DACH2: variants seen among roughly 807,000 people sequenced by gnomAD.
DACH2 encodes the protein dachshund family transcription factor 2, also known as dachshund homolog 2.
DACH2 carries 17 observed loss-of-function variants against 35.8 expected under a neutral mutation model. The observed-to-expected ratio is 0.48, with a 90% confidence interval of 0.33 to 0.71. The LOEUF (loss-of-function observed/expected upper bound fraction) is 0.71. Ranked by LOEUF, DACH2 falls within the 30% of genes least tolerant of loss-of-function variation. The probability of loss-of-function intolerance (pLI) is 0.02; values close to 1 mark genes in which losing one functional copy is unlikely to be tolerated. For missense variants in DACH2, 469 were observed against 472.7 expected (o/e 0.99, Z 0.07); for synonymous variants, 195 against 177.3 (o/e 1.10, Z -0.79).
At chrX:86,368,388 A>G (rs1423112070) in intron 1 of DACH2, among the ~76,000 whole-genome samples, 1 of 111,161 alleles carries the variant, frequency 9.0e-6, no homozygotes, top group African/African-American at 3.3e-5. Context: ...CCTTTTGTAC[A>G]TAGTTGATGA....
intron 4 of DACH2, among the ~76,000 whole-genome samples, chrX:86,657,674 G>A (rs1057427668): frequency 2.7e-5 from 3 of 111,205 alleles, no homozygotes; most frequent in Non-Finnish European, 5.7e-5. Context: ...CACAAGGTTT[G>A]TGTAGCCAGA....
At chrX:86,496,896 G>A (rs980348550) in intron 2 of DACH2, among the ~76,000 whole-genome samples, 5 of 111,662 alleles carry the variant, frequency 4.5e-5, no homozygotes, top group Admixed American at 3.8e-4. Flanking sequence ...CAATGCCAAA[G>A]CAGGGAGCCC....
At chrX:86,705,288 C>T (rs774551017) in intron 5 of DACH2, among the ~76,000 whole-genome samples, 13 of 108,874 alleles carry the variant, frequency 1.2e-4, no homozygotes, top group African/African-American at 1.7e-4. Context: ...TTGGGGACTC[C>T]GGAAAATTTG....
intron 1 of DACH2, among the ~76,000 whole-genome samples, chrX:86,374,004 C>A (rs1432069100): frequency 9.0e-6 from 1 of 110,874 alleles, no homozygotes; most frequent in Non-Finnish European, 1.9e-5. Context: ...CTAAAAGGAC[C>A]TAAATACTTA....
intron 1 of DACH2, among the ~76,000 whole-genome samples, chrX:86,176,877 G>A (rs1419488330): frequency 8.9e-6 from 1 of 111,781 alleles, no homozygotes; most frequent in East Asian, 2.8e-4. Context: ...TTTCATACTG[G>A]CAATGTTATT....
At chrX:86,369,086 G>A (rs950633954) in intron 1 of DACH2, among the ~76,000 whole-genome samples, 1 of 110,245 alleles carries the variant, frequency 9.1e-6, no homozygotes, top group Non-Finnish European at 1.9e-5. Context: ...ATTCTATTAG[G>A]CAATGAAGAG....
chrX:86,809,248 A>T (rs1190724176), intron 7 of DACH2, among the ~76,000 whole-genome samples: 2 of 111,441 alleles, frequency 1.8e-5, no homozygotes, highest in African/African-American at 3.3e-5. Flanking sequence ...CTTTTTAAAT[A>T]AAAAAAATCA....
intron 2 of DACH2, among the ~76,000 whole-genome samples, chrX:86,511,168 C>T (rs2038391106): frequency 9.0e-6 from 1 of 111,602 alleles, no homozygotes; most frequent in South Asian, 3.7e-4. Context: ...AAAGATCCTT[C>T]CCAACTTTTT....
At chrX:86,568,882 G>T (rs146304363) in intron 3 of DACH2, among the ~76,000 whole-genome samples, 1 of 111,190 alleles carries the variant, frequency 9.0e-6, no homozygotes, top group African/African-American at 3.3e-5. Context: ...ACATTGATTT[G>T]GGAAGAAATT....
At chrX:86,163,803 CT>C (rs1008599768) in intron 1 of DACH2, among the ~76,000 whole-genome samples, 27 of 111,170 alleles carry the variant, frequency 2.4e-4, no homozygotes, top group East Asian at 5.6e-4. Context: ...ATATGTATCA[CT>C]TTTTTTTAAT....
At chrX:86,667,745 C>T (rs935497174) in intron 4 of DACH2, among the ~76,000 whole-genome samples, 2 of 111,878 alleles carry the variant, frequency 1.8e-5, no homozygotes, top group Non-Finnish European at 3.8e-5. Flanking sequence ...TCTCTCCTTT[C>T]CCTGTAGGAC....
At chrX:86,762,801 T>A (rs761158784) in intron 7 of DACH2, among the ~76,000 whole-genome samples, 1 of 112,237 alleles carries the variant, frequency 8.9e-6, no homozygotes, top group African/African-American at 3.2e-5. Context: ...CAATCATTTA[T>A]CTTTTGCATT....
chrX:86,566,871 C>T (rs1158704902), intron 3 of DACH2, among the ~76,000 whole-genome samples: 1 of 111,499 alleles, frequency 9.0e-6, no homozygotes, highest in Non-Finnish European at 1.9e-5. Context: ...ATGAAGAAAC[C>T]AAAATCAGAT....
At chrX:86,780,806 C>T (rs1013106415) in intron 7 of DACH2, among the ~76,000 whole-genome samples, 2 of 111,615 alleles carry the variant, frequency 1.8e-5, no homozygotes, top group East Asian at 5.7e-4. Context: ...TAGAAGCAAA[C>T]AGGCTTGTTG....
chrX:86,660,568 T>C (rs5968961), intron 4 of DACH2, among the ~76,000 whole-genome samples: 4,501 of 111,844 alleles, frequency 0.04, 227 homozygotes, highest in African/African-American at 0.14. Flanking sequence ...AGTTGAGAGA[T>C]TGTGTTCATA....
chrX:86,408,938 T>G (rs899737190), intron 2 of DACH2, among the ~76,000 whole-genome samples: 4 of 111,565 alleles, frequency 3.6e-5, no homozygotes, highest in African/African-American at 1.3e-4. Flanking sequence ...TAAATATGAA[T>G]AGAGTAAAAG....
At chrX:86,452,705 C>T (rs190056883) in intron 2 of DACH2, among the ~76,000 whole-genome samples, 1 of 111,436 alleles carries the variant, frequency 9.0e-6, no homozygotes, top group African/African-American at 3.3e-5. Flanking sequence ...TGCTTCTTCT[C>T]TCTTTTTTCT....
intron 3 of DACH2, among the ~76,000 whole-genome samples, chrX:86,620,416 G>A (rs1372478013): frequency 4.5e-5 from 5 of 111,213 alleles, no homozygotes; most frequent in Non-Finnish European, 7.5e-5. Flanking sequence ...TTCCTTTTCC[G>A]TGGTTATCAC....
chrX:86,689,333 T>C (rs780086732), intron 4 of DACH2, among the ~76,000 whole-genome samples: 2 of 111,400 alleles, frequency 1.8e-5, no homozygotes, highest in South Asian at 3.8e-4. Flanking sequence ...TACACATACA[T>C]GCCTCGTTTT....
Sources: allele counts gnomAD v4.1 joint callset (sites outside exome capture counted in the v4.1 genomes callset), GRCh38; gene constraint gnomAD v4.1.1; transcripts MANE v1.5; gene names NCBI Gene and HGNC (gene_info 2026-07-23, HGNC 2026-07-21).